WDR77: variants seen among roughly 807,000 people sequenced by gnomAD.
WDR77 encodes the protein WD repeat domain 77, also known as methylosome protein WDR77.
In WDR77, 31 loss-of-function variants were observed where a neutral mutation model predicts 44.0. The observed-to-expected ratio is 0.70, with a 90% CI of 0.53 to 0.95. The LOEUF (loss-of-function observed/expected upper bound fraction) is 0.95. Ranked by LOEUF, WDR77 falls within the 40% of genes least tolerant of loss-of-function variation. The pLI is 0.00. For missense variants in WDR77, 390 were observed against 423.9 expected (o/e 0.92, Z 0.70); for synonymous variants, 186 against 165.7 (o/e 1.12, Z -0.94).
At chr1:111,447,892 A>C (rs1342239394) in intron 2 of WDR77, among the ~76,000 whole-genome samples, 1 of 152,252 alleles carries the variant, frequency 6.6e-6, no homozygotes, top group African/African-American at 2.4e-5. Context: ...GGGGACAAGG[A>C]TGAAGTTTCC....
chr1:111,442,849 A>G (rs148130273), intron 7 of WDR77, 88 bp from the exon 8 acceptor site: 1 of 886,124 alleles, frequency 1.1e-6, no homozygotes, highest in Non-Finnish European at 1.6e-6. Flanking sequence ...AGCTTGTAAA[A>G]GTTAACCATT....
intron 8 of WDR77, 169 bp from the exon 9 acceptor site, chr1:111,442,262 T>G (rs1025717287): frequency 6.1e-6 from 4 of 652,228 alleles, no homozygotes; most frequent in Non-Finnish European, 1.1e-5. Flanking sequence ...CAAGTAAAGA[T>G]GAGGGAAATG....
At position 111,441,397 on chromosome 1, in the gene WDR77, A is replaced by T; in HGVS notation, c.870-8T>A. 6.7e-7 allele frequency: 1 copy of T among 1,489,000 alleles called. No individual in the cohort carries two copies. Among genetic ancestry groups the T allele is most frequent in the Non-Finnish European group, 9.0e-7 (1 of 1,113,658 alleles). 92.2% of individuals were successfully genotyped at this position (1,489,000 alleles called of 1,614,324 possible). The stretch of plus-strand genomic sequence containing the variant: ...TGGGCTTGGCTTCTAAACCTAGAAG[A>T]AAGAAAAAAAGTCGGGGCAGAGTAG... On this transcript the variant is annotated splice_polypyrimidine_tract_variant and splice_region_variant and intron_variant, in intron 9 of 9. Coordinates refer to ENST00000235090, the MANE Select transcript of WDR77 (RefSeq NM_024102.4).
chr1:111,441,199 TG>T lies in WDR77; in HGVS notation c.*30del. On this transcript the variant is annotated 3_prime_UTR_variant, in exon 10 of 10. Transcript: ENST00000235090. The stretch of plus-strand genomic sequence containing the variant: ...GGCAGGGCAAAGAAGTGGACACTCA[TG>T]GGGGACTTGCTTTTTGTCTTAAATC... The T allele has an allele frequency of 6.8e-7, 1 of 1,462,816 alleles. No homozygotes were observed. The highest frequency in any genetic ancestry group is 1.5e-5 in the South Asian group (1 of 67,110). The allele number at this position is 1,462,816 out of a possible 1,614,324, so 90.6% of individuals were successfully genotyped here. A position where few individuals can be genotyped will look rare whatever the true frequency, so the allele number is the denominator to read the frequency against.
chr1:111,447,256 A>G, intron 3 of WDR77, 112 bp from the exon 4 acceptor site: 1 of 1,486,300 alleles, frequency 6.7e-7, no homozygotes, highest in Non-Finnish European at 9.3e-7. Flanking sequence ...TGCCTCTTGG[A>G]CTGCTGCTAT....
chr1:111,440,993 A>T lies in WDR77; in HGVS notation c.*237T>A. 1 of 330,298 alleles carries T rather than the reference A, an allele frequency of 3.0e-6. No homozygotes were observed. Among genetic ancestry groups the T allele is most frequent in the South Asian group, 1.5e-4 (1 of 6,636 alleles). The allele number at this position is 330,298 out of a possible 1,614,324, so 20.5% of individuals were successfully genotyped here. A position where few individuals can be genotyped will look rare whatever the true frequency, so the allele number is the denominator to read the frequency against. On this transcript the variant is annotated 3_prime_UTR_variant, in exon 10 of 10. Transcript: ENST00000235090. Reference sequence around the variant, plus strand: ...TATTCCTGCCACTACCAAAAACTATAAATCTACACACACACTCACACGCAC... The same window carrying T: ...TATTCCTGCCACTACCAAAAACTATTAATCTACACACACACTCACACGCAC...
chr1:111,448,796 G>A lies in WDR77; in HGVS notation c.124C>T (p.Leu42Phe). The change falls in exon 2 of 10, where the codon CTT becomes TTT. Residue 42 changes from leucine (L) to phenylalanine (F), a missense_variant. Transcript: ENST00000235090. ...CTCAGGCTGGAGGCCCCGAGGAGAAGCGCCCCATCTACGGGGGGTACAAGC... is the reference window on the plus strand; with the variant it reads ...CTCAGGCTGGAGGCCCCGAGGAGAAACGCCCCATCTACGGGGGGTACAAGC... ...EAARYRSDGA[L>F]LLGASSLSGR... 2 of 1,580,758 alleles carry A rather than the reference G, an allele frequency of 1.3e-6. No individual in the cohort carries two copies. The highest frequency in any genetic ancestry group is 1.4e-5 in the African/African-American group (1 of 73,998).
chr1:111,442,061 C>T lies in WDR77; in HGVS notation c.833G>A (p.Cys278Tyr), dbSNP rs1352578076. Residue 278 changes from cysteine to tyrosine, a missense_variant, in exon 9 of 10, where the codon TGC (cysteine) becomes TAC (tyrosine). Transcript: ENST00000235090. ...GCTTGAGTCCAGCACAGCAAGTGAG[C>T]AGTCTTCACTGAGAGAGGCCAGGAA... ...VPFLASLSED[C>Y]SLAVLDSSLS... is the part of the protein sequence containing the mutation. The T allele has an allele frequency of 1.2e-5, 20 of 1,613,970 alleles. No individual in the cohort carries two copies. Among genetic ancestry groups the T allele is most frequent in the Non-Finnish European group, 1.7e-5 (20 of 1,179,982 alleles).
At chr1:111,448,285 G>T (rs973855733) in intron 2 of WDR77, among the ~76,000 whole-genome samples, 1 of 152,150 alleles carries the variant, frequency 6.6e-6, no homozygotes, top group Admixed American at 6.5e-5. Flanking sequence ...GAAGAGACAT[G>T]TAGCACAGAT....
chr1:111,447,587 T>C lies in WDR77; in HGVS notation c.302-11A>G, dbSNP rs1653099535. On this transcript the variant is annotated splice_polypyrimidine_tract_variant and intron_variant, in intron 2 of 9. Coordinates refer to ENST00000235090, the MANE Select transcript of WDR77 (RefSeq NM_024102.4). ...ACAATTCAACAGCACCTGTTGGGGG[T>C]AGGGTAAGGAAAACATGAGCTTGGA... 9 of 1,613,980 alleles carry C rather than the reference T, an allele frequency of 5.6e-6. No individual in the cohort carries two copies. The highest frequency in any genetic ancestry group is 2.2e-5 in the South Asian group (2 of 91,064).
rs117231206 is a variant in WDR77, at chr1:111,446,708, G to A, written c.493+387C>T. The A allele has an allele frequency of 1.1e-3, 195 of 172,370 alleles. 1 individual carries two copies. The East Asian group carries it at 0.03, about 26-fold the overall frequency. 10.7% of individuals were successfully genotyped at this position (172,370 alleles called of 1,614,324 possible). On this transcript the variant is annotated intron_variant, in intron 4 of 9. Coordinates refer to ENST00000235090, the MANE Select transcript of WDR77 (RefSeq NM_024102.4). ...ACTAAAAAGAACTTAGTGGCCAACC[G>A]ATGGTGGGAAAACAGAAGAGGTGGA... is the stretch of plus-strand genomic sequence containing the variant.
At chr1:111,444,024 G>A in intron 5 of WDR77, 30 bp downstream of exon 5, 1 of 1,613,896 alleles carries the variant, frequency 6.2e-7, no homozygotes. Flanking sequence ...TGGCTGGAGT[G>A]TGTTTAGGGA....
At chr1:111,444,505 C>G (rs1034346772) in intron 4 of WDR77, among the ~76,000 whole-genome samples, 4 of 152,128 alleles carry the variant, frequency 2.6e-5, no homozygotes, top group Non-Finnish European at 5.9e-5. Flanking sequence ...GAGTTCTGGG[C>G]GCTAATAGTA....
rs1652750964 is a variant in WDR77, at chr1:111,440,252, C to T, written c.*978G>A. ...AATATATCTAACTACACATAACACA[C>T]ATGCTTCAAAAAAGACAGGCCAACA... On this transcript the variant is annotated 3_prime_UTR_variant, in exon 10 of 10. Coordinates refer to ENST00000235090, the MANE Select transcript of WDR77 (RefSeq NM_024102.4). The T allele has an allele frequency of 6.6e-6, 1 of 152,220 alleles. No individual in the cohort carries two copies. Among genetic ancestry groups the T allele is most frequent in the African/African-American group, 2.4e-5 (1 of 41,446 alleles). The allele number at this position is 152,220 out of a possible 1,614,324, so 9.4% of individuals were successfully genotyped here.
At chr1:111,443,534 A>C in intron 6 of WDR77, 140 bp from the exon 7 acceptor site, 2 of 1,266,494 alleles carry the variant, frequency 1.6e-6, no homozygotes, top group South Asian at 1.5e-5. Flanking sequence ...CTCATCCTTG[A>C]GCCTCATAAC....
chr1:111,444,478 T>C (rs1240926427), intron 4 of WDR77, among the ~76,000 whole-genome samples: 1 of 152,090 alleles, frequency 6.6e-6, no homozygotes. Context: ...CCAAGTAGTA[T>C]ACAAAAACTT....
chr1:111,448,746 G>A lies in WDR77; in HGVS notation c.174C>T (p.Leu58=), dbSNP rs1008049103. 1.1e-5 allele frequency: 18 copies of A among 1,611,756 alleles called. No homozygotes were observed. The highest frequency in any genetic ancestry group is 1.6e-4 in the Middle Eastern group (1 of 6,078). ...SLSGRCWAGS[L]WLFKDPCAAP... ...CGGCACAGGGGTCCTTAAAAAGCCA[G>A]AGGGAGCCGGCCCAGCAGCGCCCAC... Residue 58 remains leucine, a synonymous_variant, in exon 2 of 10, where the codon CTC becomes CTT. Coordinates refer to ENST00000235090, the MANE Select transcript of WDR77 (RefSeq NM_024102.4).
rs1004982586 is a variant in WDR77, at chr1:111,441,258, G to C, written c.1001C>G (p.Ala334Gly). 1.9e-6 allele frequency: 3 copies of C among 1,574,476 alleles called. No homozygotes were observed. The highest frequency in any genetic ancestry group is 2.7e-5 in the African/African-American group (2 of 73,084). Residue 334 changes from alanine to glycine, a missense_variant, in exon 10 of 10, where the codon GCC (alanine) becomes GGC (glycine). Ala to Gly is a moderately conservative substitution (Grantham distance 60). Transcript: ENST00000235090. ...HHVVPTEPLP[A>G]PGPASVTE ...CTCAGTAACACTTGCAGGTCCAGGG[G>C]CTGGGAGAGGTTCTGTGGGCACAAC...
Position 111,444,040 on chromosome 1 carries a change from G to A in WDR77, c.564+14C>T. On this transcript the variant is annotated intron_variant, in intron 5 of 9. Transcript: ENST00000235090. ...GGCTGGAGTGTGTTTAGGGAAGAAG[G>A]AGCTATCTCTTACCTCGCTGCATGA... is the stretch of plus-strand genomic sequence containing the variant. 3 of 1,614,106 alleles carry A rather than the reference G, an allele frequency of 1.9e-6. No homozygotes were observed. The highest frequency in any genetic ancestry group is 2.5e-6 in the Non-Finnish European group (3 of 1,179,970).
Sources: gnomAD v4.1 joint callset for allele counts (sites outside exome capture counted in the v4.1 genomes callset) on GRCh38, gnomAD v4.1.1 for gene constraint, MANE v1.5 for transcripts, NCBI Gene and HGNC (gene_info 2026-07-23, HGNC 2026-07-21) for gene names.